The following CSMD3 variants were observed in gnomAD, a reference collection of about 807,000 sequenced individuals.
CSMD3 encodes CUB and sushi domain-containing protein 3.
CSMD3 carries 177 observed loss-of-function variants against 435.2 expected under a neutral mutation model. The observed-to-expected ratio is 0.41, with a 90% CI of 0.36 to 0.46. CSMD3 has a LOEUF of 0.46. Among genes scored for constraint, CSMD3 ranks in the 20% least tolerant of loss-of-function variants. The pLI is 0.34. For missense variants in CSMD3, 4,265 were observed against 4,504.6 expected (o/e 0.95, Z 1.52); for synonymous variants, 1,656 against 1,520.5 (o/e 1.09, Z -2.07).
chr8:112,943,457 C>T (rs2130778375), intron 9 of CSMD3, among the ~76,000 whole-genome samples: 1 of 151,696 alleles, frequency 6.6e-6, no homozygotes. Flanking sequence ...GGGGCAGAGA[C>T]TGGTAATTCT....
At chr8:112,239,109 C>A (rs764619059) in intron 66 of CSMD3, among the ~76,000 whole-genome samples, 7 of 152,102 alleles carry the variant, frequency 4.6e-5, no homozygotes, top group Non-Finnish European at 1.0e-4. Flanking sequence ...AAGGCAAACA[C>A]AGAACTGTAA....
At chr8:112,534,679 A>C (rs1449468876) in intron 27 of CSMD3, among the ~76,000 whole-genome samples, 1 of 152,154 alleles carries the variant, frequency 6.6e-6, no homozygotes, top group African/African-American at 2.4e-5. Context: ...AACTCATTTT[A>C]TGAGGCCAGC....
At chr8:113,131,655 G>T (rs2091286824) in intron 4 of CSMD3, among the ~76,000 whole-genome samples, 2 of 152,270 alleles carry the variant, frequency 1.3e-5, no homozygotes, top group Non-Finnish European at 2.9e-5. Context: ...GAAATGTGGG[G>T]TTGGAGACAC....
chr8:113,025,618 G>T (rs772380534), intron 5 of CSMD3, among the ~76,000 whole-genome samples: 3 of 152,148 alleles, frequency 2.0e-5, no homozygotes, highest in Non-Finnish European at 4.4e-5. Context: ...GCTAACTGGT[G>T]GTTCGGGCAA....
intron 38 of CSMD3, among the ~76,000 whole-genome samples, chr8:112,364,671 A>T (rs1452777046): frequency 6.6e-6 from 1 of 152,038 alleles, no homozygotes; most frequent in Non-Finnish European, 1.5e-5. Flanking sequence ...CTAAAATCCA[A>T]GTGGCAGGAC....
chr8:112,680,681 C>A (rs1462510405), intron 16 of CSMD3, among the ~76,000 whole-genome samples: 1 of 151,884 alleles, frequency 6.6e-6, no homozygotes, highest in Non-Finnish European at 1.5e-5. Flanking sequence ...AATGAGAAAG[C>A]AGTTAGTAGT....
chr8:113,246,998 G>GT (rs2093282826), intron 3 of CSMD3, among the ~76,000 whole-genome samples: 1 of 152,178 alleles, frequency 6.6e-6, no homozygotes, highest in African/African-American at 2.4e-5. Flanking sequence ...ACCAGAAGTA[G>GT]TAAGGGTTTG....
At chr8:113,285,913 T>C (rs2093643548) in intron 2 of CSMD3, among the ~76,000 whole-genome samples, 1 of 152,182 alleles carries the variant, frequency 6.6e-6, no homozygotes, top group Non-Finnish European at 1.5e-5. Flanking sequence ...CTCTATTTAT[T>C]TTTTTACATT....
chr8:112,530,314 C>A (rs1825398515), intron 27 of CSMD3, among the ~76,000 whole-genome samples: 1 of 151,988 alleles, frequency 6.6e-6, no homozygotes, highest in South Asian at 2.1e-4. Context: ...CCAAAGAACA[C>A]CAAATAAGAG....
chr8:112,692,965 CT>C (rs2076170769), intron 13 of CSMD3, among the ~76,000 whole-genome samples: 1 of 142,966 alleles, frequency 7.0e-6, no homozygotes, highest in East Asian at 2.0e-4. Flanking sequence ...ATCTATCTAT[CT>C]ATCTATCGAG....
At chr8:112,799,290 C>A (rs2078904831) in intron 13 of CSMD3, among the ~76,000 whole-genome samples, 1 of 151,738 alleles carries the variant, frequency 6.6e-6, no homozygotes, top group Admixed American at 6.6e-5. Context: ...GAATCAAAAG[C>A]ATGACAGTGT....
chr8:112,323,959 C>A (rs1410077984), intron 45 of CSMD3, among the ~76,000 whole-genome samples: 24 of 152,050 alleles, frequency 1.6e-4, no homozygotes, highest in Admixed American at 1.6e-3. Context: ...ACTCACACAG[C>A]CAGAATTTGA....
At chr8:112,575,875 T>C (rs964856735) in intron 23 of CSMD3, among the ~76,000 whole-genome samples, 9 of 152,126 alleles carry the variant, frequency 5.9e-5, no homozygotes, top group African/African-American at 1.7e-4. Context: ...CTATATTACA[T>C]AGTAAATAAA....
rs552334774 is a variant in CSMD3 at position 112,724,313 on chromosome 8, A to G, written c.1973-34263T>C. ...AAATGGTGGAAACGAGAAATCAGGTATAGTTATTGCCTTAATCCTGGTGCC... is the reference window on the plus strand; with the variant it reads ...AAATGGTGGAAACGAGAAATCAGGTGTAGTTATTGCCTTAATCCTGGTGCC... On this transcript the variant is annotated intron_variant, in intron 13 of 70. Coordinates refer to ENST00000297405, the MANE Select transcript of CSMD3 (RefSeq NM_198123.2). Among the ~76,000 whole-genome samples, 111 of 152,180 alleles carry G rather than the reference A, an allele frequency of 7.3e-4. 3 individuals carry two copies. In the South Asian group the frequency reaches 0.015, roughly 21 times the overall value.
At chr8:113,126,272 T>G (rs1038041970) in intron 4 of CSMD3, among the ~76,000 whole-genome samples, 12 of 151,724 alleles carry the variant, frequency 7.9e-5, no homozygotes, top group African/African-American at 2.9e-4. Context: ...AAGGCCAGAA[T>G]GAGAGAAAGA....
intron 22 of CSMD3, among the ~76,000 whole-genome samples, chr8:112,629,532 A>G (rs1003905940): frequency 6.6e-6 from 1 of 152,206 alleles, no homozygotes; most frequent in South Asian, 2.1e-4. Flanking sequence ...TTAAAATCAT[A>G]AAGTATAGAA....
intron 2 of CSMD3, among the ~76,000 whole-genome samples, chr8:113,288,554 C>T (rs186568157): frequency 6.6e-6 from 1 of 151,938 alleles, no homozygotes; most frequent in East Asian, 1.9e-4. Flanking sequence ...TAAGGTTATA[C>T]ATGACTGTAA....
intron 27 of CSMD3, among the ~76,000 whole-genome samples, chr8:112,517,708 G>T (rs528297824): frequency 6.6e-6 from 1 of 152,220 alleles, no homozygotes; most frequent in East Asian, 1.9e-4. Flanking sequence ...ACCACAATGA[G>T]ATACTACTAC....
intron 24 of CSMD3, among the ~76,000 whole-genome samples, chr8:112,563,098 A>AT (rs1828780844): frequency 6.6e-6 from 1 of 151,874 alleles, no homozygotes; most frequent in Non-Finnish European, 1.5e-5. Context: ...CAGCTGCAAT[A>AT]ATCCTCTGTG....
Sources: gnomAD v4.1 joint callset for allele counts (sites outside exome capture counted in the v4.1 genomes callset) on GRCh38, gnomAD v4.1.1 for gene constraint, MANE v1.5 for transcripts, NCBI Gene and HGNC (gene_info 2026-07-23, HGNC 2026-07-21) for gene names.